Variants in PTPRD observed in about 807,000 individuals in gnomAD.
PTPRD encodes receptor-type tyrosine-protein phosphatase delta.
Under a neutral mutation model 214.5 loss-of-function variants are expected in PTPRD, and 34 were observed. The ratio of observed to expected loss-of-function variants is 0.16; its 90% CI spans 0.12 to 0.21. PTPRD has a LOEUF of 0.21. Ranked by LOEUF, PTPRD falls within the 10% of genes least tolerant of loss-of-function variation. The probability of loss-of-function intolerance (pLI) is 1.00; values close to 1 mark genes in which losing one functional copy is unlikely to be tolerated. For synonymous variants in PTPRD, 1,128 were observed against 845.7 expected (o/e 1.33, Z -5.79); for missense variants, 2,545 against 2,398.7 (o/e 1.06, Z -1.27).
At chr9:9,221,383 G>C (rs1016091292) in intron 9 of PTPRD, among the ~76,000 whole-genome samples, 6 of 152,046 alleles carry the variant, frequency 3.9e-5, no homozygotes, top group African/African-American at 1.4e-4. Flanking sequence ...GAAAGCAAAA[G>C]ACAAAACAAT....
chr9:10,530,954 A>T lies in PTPRD; in HGVS notation c.-600+81444T>A, dbSNP rs997735157. 2.5e-3 allele frequency among the ~76,000 whole-genome samples: 373 copies of T among 146,384 alleles called. 1 individual carries two copies. Among genetic ancestry groups the T allele is most frequent in the African/African-American group, 7.7e-3 (309 of 40,192 alleles). ...CAATGGATGCTAAAATCAGTAGACAATTTTTTTTTTTTTGAGACAGATTCT... is the reference window on the plus strand; with the variant it reads ...CAATGGATGCTAAAATCAGTAGACATTTTTTTTTTTTTTGAGACAGATTCT... On this transcript the variant is annotated intron_variant, in intron 2 of 45. Coordinates refer to ENST00000381196, the MANE Select transcript of PTPRD (RefSeq NM_002839.4).
At chr9:8,478,700 A>G (rs2096818692) in intron 30 of PTPRD, among the ~76,000 whole-genome samples, 1 of 152,228 alleles carries the variant, frequency 6.6e-6, no homozygotes, top group Non-Finnish European at 1.5e-5. Flanking sequence ...CTGATACCAG[A>G]ACTTGCAGTA....
chr9:8,784,262 T>G lies in PTPRD; in HGVS notation c.-103-50316A>C, dbSNP rs370463424. 1.1e-4 allele frequency among the ~76,000 whole-genome samples: 16 copies of G among 152,354 alleles called. No individual in the cohort carries two copies. The East Asian group carries it at 2.5e-3, about 24-fold the overall frequency. On this transcript the variant is annotated intron_variant, in intron 11 of 45. Transcript: ENST00000381196. ...CGACATGACCTGGAAAGGTTATTTT[T>G]AACTGGGTAATGACTCAGTCCCAAC...
At chr9:10,241,256 T>C (rs1310369138) in intron 3 of PTPRD, among the ~76,000 whole-genome samples, 1 of 151,952 alleles carries the variant, frequency 6.6e-6, no homozygotes, top group African/African-American at 2.4e-5. Flanking sequence ...AGTGGGAATG[T>C]AAAATGGTGC....
At chr9:10,290,210 T>C (rs1596279538) in intron 3 of PTPRD, among the ~76,000 whole-genome samples, 1 of 152,176 alleles carries the variant, frequency 6.6e-6, no homozygotes, top group Admixed American at 6.5e-5. Context: ...CCCAAAATAC[T>C]GTTCATTTAT....
intron 7 of PTPRD, among the ~76,000 whole-genome samples, chr9:9,716,694 T>C (rs1249824127): frequency 2.6e-5 from 4 of 152,170 alleles, no homozygotes; most frequent in Non-Finnish European, 2.9e-5. Flanking sequence ...CACTTTTTGA[T>C]GGGGTTGTTT....
intron 35 of PTPRD, among the ~76,000 whole-genome samples, chr9:8,424,587 T>C (rs1026296627): frequency 6.6e-6 from 1 of 152,004 alleles, no homozygotes; most frequent in East Asian, 1.9e-4. Context: ...TGAAACTCTA[T>C]GGAAAGACTA....
At chr9:8,920,693 G>A (rs527881674) in intron 11 of PTPRD, among the ~76,000 whole-genome samples, 4 of 152,244 alleles carry the variant, frequency 2.6e-5, no homozygotes, top group East Asian at 1.9e-4. Flanking sequence ...CCCATGGGCC[G>A]TGGGTTGGAC....
At chr9:9,353,588 T>C (rs547913769) in intron 9 of PTPRD, among the ~76,000 whole-genome samples, 1 of 151,882 alleles carries the variant, frequency 6.6e-6, no homozygotes, top group African/African-American at 2.4e-5. Context: ...ACATAGGACC[T>C]TGTCTTACGT....
intron 5 of PTPRD, among the ~76,000 whole-genome samples, chr9:9,845,370 G>C (rs1475561826): frequency 6.6e-6 from 1 of 151,630 alleles, no homozygotes; most frequent in Non-Finnish European, 1.5e-5. Flanking sequence ...GACTTTGGCA[G>C]TGTCCATAAG....
At chr9:8,760,355 G>A (rs1272949985) in intron 11 of PTPRD, among the ~76,000 whole-genome samples, 1 of 151,918 alleles carries the variant, frequency 6.6e-6, no homozygotes, top group African/African-American at 2.4e-5. Flanking sequence ...ATTCATGTTT[G>A]GAGTTTTGTT....
intron 10 of PTPRD, among the ~76,000 whole-genome samples, chr9:9,090,170 T>G (rs2099773498): frequency 6.6e-6 from 1 of 152,124 alleles, no homozygotes; most frequent in Non-Finnish European, 1.5e-5. Flanking sequence ...TCCTATGTTG[T>G]ATGTTTGTAC....
chr9:10,129,052 A>C (rs2098839708), intron 3 of PTPRD, among the ~76,000 whole-genome samples: 1 of 152,174 alleles, frequency 6.6e-6, no homozygotes, highest in South Asian at 2.1e-4. Flanking sequence ...TACTATTAAC[A>C]AGGGTAGAGA....
chr9:9,343,688 A>G (rs1267742741), intron 9 of PTPRD, among the ~76,000 whole-genome samples: 1 of 152,132 alleles, frequency 6.6e-6, no homozygotes, highest in Non-Finnish European at 1.5e-5. Flanking sequence ...GCTATGAAAA[A>G]TGTTTCATTC....
chr9:9,856,942 G>T (rs2061668600), intron 5 of PTPRD, among the ~76,000 whole-genome samples: 1 of 152,084 alleles, frequency 6.6e-6, no homozygotes, highest in Non-Finnish European at 1.5e-5. Context: ...ACTTAAAAAT[G>T]GGAAATGAAA....
At chr9:10,251,277 C>T (rs1379766608) in intron 3 of PTPRD, among the ~76,000 whole-genome samples, 1 of 152,122 alleles carries the variant, frequency 6.6e-6, no homozygotes, top group African/African-American at 2.4e-5. Flanking sequence ...ACTAAAAGTC[C>T]ACTATCACTA....
At chr9:9,738,159 G>A (rs1318009197) in intron 6 of PTPRD, among the ~76,000 whole-genome samples, 1 of 152,064 alleles carries the variant, frequency 6.6e-6, no homozygotes, top group Admixed American at 6.6e-5. Flanking sequence ...GTTAAATGAC[G>A]AGTTAACGGG....
At chr9:9,175,438 C>T (rs1157947704) in intron 10 of PTPRD, among the ~76,000 whole-genome samples, 1 of 151,628 alleles carries the variant, frequency 6.6e-6, no homozygotes, top group African/African-American at 2.4e-5. Context: ...CTGGCAAACA[C>T]AGTAAAACCC....
chr9:10,430,027 C>G (rs771333112), intron 2 of PTPRD, among the ~76,000 whole-genome samples: 4 of 151,892 alleles, frequency 2.6e-5, no homozygotes, highest in Non-Finnish European at 5.9e-5. Context: ...ATTTGGTACT[C>G]TTTATAAACT....
Sources: gnomAD v4.1 joint callset for allele counts (sites outside exome capture counted in the v4.1 genomes callset) on GRCh38, gnomAD v4.1.1 for gene constraint, MANE v1.5 for transcripts, NCBI Gene and HGNC (gene_info 2026-07-23, HGNC 2026-07-21) for gene names.